HSH2D: variants seen among roughly 807,000 people sequenced by gnomAD.
HSH2D encodes the protein hematopoietic SH2 domain containing, also known as hematopoietic SH2 domain-containing protein.
Under a neutral mutation model 21.5 loss-of-function variants are expected in HSH2D, and 16 were observed. That is an observed-to-expected ratio of 0.74 (90% confidence interval 0.50 to 1.13). The LOEUF is 1.13. Among genes scored for constraint, HSH2D ranks in the 50% most tolerant of loss-of-function variants. HSH2D has a pLI of 0.00. For missense variants in HSH2D, 418 were observed against 441.4 expected (o/e 0.95, Z 0.47); for synonymous variants, 172 against 184.7 (o/e 0.93, Z 0.56).
intron 1 of HSH2D, among the ~76,000 whole-genome samples, chr19:16,135,848 A>ACCTGTCCT (rs60919659): frequency 0.14 from 21,559 of 152,158 alleles, 1,788 homozygotes; most frequent in Non-Finnish European, 0.19. Context: ...CTCCATGAGG[A>ACCTGTCCT]CAGGGACTTC....
At chr19:16,142,428 T>A (rs1324421514), upstream of HSH2D, among the ~76,000 whole-genome samples, 1 of 151,976 alleles carries the variant, frequency 6.6e-6, no homozygotes, top group African/African-American at 2.4e-5. Flanking sequence ...TTGTTTGGGG[T>A]TTTTTGTTTT....
rs1024710833 is a variant in HSH2D at position 16,158,240 on chromosome 19, A to G, written c.*446A>G. 3 of 157,786 alleles carry G rather than the reference A, an allele frequency of 1.9e-5. No homozygotes were observed. The highest frequency in any genetic ancestry group is 7.2e-5 in the African/African-American group (3 of 41,532). 9.8% of individuals were successfully genotyped at this position (157,786 alleles called of 1,614,324 possible). A position where few individuals can be genotyped will look rare whatever the true frequency, so the allele number is the denominator to read the frequency against. ...TCATCTGTTTGTTCTGTTGTCTAAA[A>G]GCACACTGCAAGCCGGGCTCAGTGG... is the stretch of plus-strand genomic sequence containing the variant. On this transcript the variant is annotated 3_prime_UTR_variant, in exon 6 of 6. Coordinates refer to ENST00000613986, the MANE Select transcript of HSH2D (RefSeq NM_001382417.1).
chr19:16,142,728 G>A (rs959505790), upstream of HSH2D, among the ~76,000 whole-genome samples: 1 of 152,098 alleles, frequency 6.6e-6, no homozygotes, highest in African/African-American at 2.4e-5. Context: ...CTCCCAAAGT[G>A]CTGGGATTAC....
chr19:16,135,647 C>G (rs918064024), intron 1 of HSH2D, among the ~76,000 whole-genome samples: 4 of 152,184 alleles, frequency 2.6e-5, no homozygotes, highest in African/African-American at 9.7e-5. Flanking sequence ...GGCCTTTGCA[C>G]TTGCCACACC....
In HSH2D at chr19:16,157,946, G is replaced by C; in HGVS notation, c.*152G>C. ...AAAGATGTTTTTGGGGTCTGTTCCT[G>C]CACTCACCCATGGGGTGAGCTGGTT... On this transcript the variant is annotated 3_prime_UTR_variant, in exon 6 of 6. Transcript: ENST00000613986. The surrounding 1 kb of genome is among the most constrained non-coding windows in gnomAD (Gnocchi z 4.4). The C allele has an allele frequency of 1.6e-6, 1 of 611,208 alleles. No homozygotes were observed. Among genetic ancestry groups the C allele is most frequent in the Non-Finnish European group, 2.9e-6 (1 of 349,516 alleles). The allele number at this position is 611,208 out of a possible 1,614,324, so 37.9% of individuals were successfully genotyped here.
In HSH2D at chr19:16,147,778, T is replaced by C. The variant is rs535619746; in HGVS notation, c.-27-946T>C. Among the ~76,000 whole-genome samples, 13 of 151,792 alleles carry C rather than the reference T, an allele frequency of 8.6e-5. No individual in the cohort carries two copies. The East Asian group carries it at 1.8e-3, about 21-fold the overall frequency. ...CTCGTGCCTCAGCCTCCCAAGTAGCTGTGATTATAGGCACAGGCCGCTGTG... is the reference window on the plus strand; with the variant it reads ...CTCGTGCCTCAGCCTCCCAAGTAGCCGTGATTATAGGCACAGGCCGCTGTG... On this transcript the variant is annotated intron_variant, in intron 1 of 5. Transcript: ENST00000613986.
intron 3 of HSH2D, 41 bp from the exon 4 acceptor site, chr19:16,153,002 A>C: frequency 6.3e-7 from 1 of 1,590,200 alleles, no homozygotes; most frequent in Middle Eastern, 1.7e-4. Context: ...GGCAGGGATG[A>C]GGGGGAGTAG....
chr19:16,144,271 G>A (rs1011797959), intron 1 of HSH2D, among the ~76,000 whole-genome samples: 5 of 151,986 alleles, frequency 3.3e-5, no homozygotes, highest in African/African-American at 1.2e-4. Flanking sequence ...GCAAGATAAA[G>A]ACACTCTAGC....
intron 1 of HSH2D, among the ~76,000 whole-genome samples, chr19:16,136,789 C>T (rs2145007238): frequency 6.6e-6 from 1 of 152,290 alleles, no homozygotes; most frequent in Middle Eastern, 3.4e-3. Context: ...CAGAAATTCA[C>T]ACCCGATGCA....
intron 5 of HSH2D, 200 bp downstream of exon 5, chr19:16,154,691 A>C (rs918968741): frequency 2.2e-6 from 1 of 453,760 alleles, no homozygotes; most frequent in South Asian, 2.3e-5. Flanking sequence ...CCTGTCACCT[A>C]CCCAGCGCCA....
rs1410931857 is a variant in HSH2D at position 16,157,608 on chromosome 19, G to A, written c.873G>A (p.Arg291=). 1.2e-6 allele frequency: 2 copies of A among 1,613,930 alleles called. No individual in the cohort carries two copies. Among genetic ancestry groups the A allele is most frequent in the Middle Eastern group, 1.7e-4 (1 of 6,060 alleles). Residue 291 remains arginine (R), a synonymous_variant, in exon 6 of 6, where the codon AGG becomes AGA. Transcript: ENST00000613986. The surrounding 1 kb of genome is among the most constrained non-coding windows in gnomAD (Gnocchi z 4.4). ...CAAAAGACAGAAAGGTCCCCACCAG[G>A]AAGGCCGAGAGGTCGGTCAGCTGCA... ...QAPKDRKVPT[R]KAERSVSCIE...
intron 4 of HSH2D, 120 bp from the exon 5 acceptor site, chr19:16,154,279 G>A (rs1050916210): frequency 1.7e-6 from 1 of 595,664 alleles, no homozygotes; most frequent in Non-Finnish European, 3.0e-6. Context: ...CTTAGTGGGC[G>A]TGGCCTAGGT....
intron 1 of HSH2D, among the ~76,000 whole-genome samples, chr19:16,135,436 AAAC>A (rs538992230): frequency 6.6e-6 from 1 of 151,992 alleles, no homozygotes; most frequent in African/African-American, 2.4e-5. Flanking sequence ...CTCAAAAAAA[AAAC>A]AAAAAACCTC....
chr19:16,153,996 A>T (rs1236823690), intron 4 of HSH2D, among the ~76,000 whole-genome samples: 1 of 136,814 alleles, frequency 7.3e-6, no homozygotes, highest in South Asian at 2.4e-4. Context: ...AAATTGTGGT[A>T]GGTGGGGCAT....
chr19:16,153,005 G>A (rs2145052315), intron 3 of HSH2D, 38 bp from the exon 4 acceptor site: 1 of 1,593,040 alleles, frequency 6.3e-7, no homozygotes, highest in African/African-American at 1.3e-5. Context: ...AGGGATGAGG[G>A]GGAGTAGGAT....
At chr19:16,148,449 A>T (rs2091101760) in intron 1 of HSH2D, among the ~76,000 whole-genome samples, 1 of 151,806 alleles carries the variant, frequency 6.6e-6, no homozygotes, top group African/African-American at 2.4e-5. Context: ...GCACCTGGCC[A>T]AATTTTTTAA....
intron 1 of HSH2D, among the ~76,000 whole-genome samples, chr19:16,144,686 C>CTTTTTTTTTTTT (rs35070155): frequency 3.7e-4 from 32 of 85,930 alleles, no homozygotes; most frequent in Non-Finnish European, 4.7e-4. Context: ...ATTCTAGGCT[C>CTTTTTTTTTTTT]TTTTTTTTTT....
chr19:16,134,438 A>T (rs1014635316), intron 1 of HSH2D, among the ~76,000 whole-genome samples: 26 of 152,276 alleles, frequency 1.7e-4, no homozygotes, highest in African/African-American at 6.3e-4. Context: ...TCCGTAGGGA[A>T]CTTTACCAAC....
At chr19:16,134,958 CTAAA>C (rs2090951118) in intron 1 of HSH2D, among the ~76,000 whole-genome samples, 2 of 141,412 alleles carry the variant, frequency 1.4e-5, no homozygotes, top group African/African-American at 5.2e-5. Context: ...GACCCCATCT[CTAAA>C]AAAAAAAAAA....
Sources: allele counts gnomAD v4.1 joint callset (sites outside exome capture counted in the v4.1 genomes callset), GRCh38; gene constraint gnomAD v4.1.1; non-coding constraint Gnocchi (gnomAD v3.1); transcripts MANE v1.5; gene names NCBI Gene and HGNC (gene_info 2026-07-23, HGNC 2026-07-21).